Variants in FAM222A observed in about 807,000 individuals in gnomAD.
FAM222A encodes the protein family with sequence similarity 222 member A, also known as protein FAM222A.
A neutral mutation model predicts 25.8 loss-of-function variants in FAM222A; 7 were observed. That is an observed-to-expected ratio of 0.27 (90% CI 0.15 to 0.51). The LOEUF (loss-of-function observed/expected upper bound fraction) is 0.51, where lower values mean the gene tolerates loss of function less well. FAM222A is among the 20% of genes least tolerant of loss of function. The probability of loss-of-function intolerance (pLI) is 0.97; values close to 1 mark genes in which losing one functional copy is unlikely to be tolerated. For missense variants in FAM222A, 573 were observed against 640.5 expected (o/e 0.89, Z 1.14); for synonymous variants, 294 against 298.8 (o/e 0.98, Z 0.17).
At chr12:109,765,566 A>G (rs1283185362) in intron 2 of FAM222A, among the ~76,000 whole-genome samples, 5 of 152,084 alleles carry the variant, frequency 3.3e-5, no homozygotes, top group Admixed American at 2.6e-4. Context: ...CACCTCTTCT[A>G]CCAGTGGCCC....
chr12:109,737,801 C>T (rs57502020), intron 1 of FAM222A, among the ~76,000 whole-genome samples: 2,173 of 152,226 alleles, frequency 0.014, 50 homozygotes, highest in African/African-American at 0.05. Flanking sequence ...TAATCTCTAA[C>T]CAGATCTGCC....
intron 2 of FAM222A, among the ~76,000 whole-genome samples, chr12:109,757,582 A>G (rs1199361140): frequency 6.6e-6 from 1 of 152,252 alleles, no homozygotes; most frequent in Non-Finnish European, 1.5e-5. Context: ...TCTTCGAAGA[A>G]AATGATGGAG....
chr12:109,758,941 C>T (rs961045964), intron 2 of FAM222A, among the ~76,000 whole-genome samples: 2 of 152,202 alleles, frequency 1.3e-5, no homozygotes, highest in African/African-American at 4.8e-5. Flanking sequence ...GAGAAAGAAA[C>T]GACACTGGGT....
chr12:109,748,334 C>CTTTTTTTTTTTTTTT (rs61492433), intron 2 of FAM222A, among the ~76,000 whole-genome samples: 2 of 81,632 alleles, frequency 2.5e-5, no homozygotes, highest in Non-Finnish European at 5.9e-5. Flanking sequence ...GGTTTTCTTT[C>CTTTTTTTTTTTTTTT]TTTTTTTTTT....
At chr12:109,725,933 G>T (rs1003540719) in intron 1 of FAM222A, among the ~76,000 whole-genome samples, 2 of 151,794 alleles carry the variant, frequency 1.3e-5, no homozygotes, top group African/African-American at 4.8e-5. Flanking sequence ...TTAATTACTT[G>T]GTATTCTGCT....
chr12:109,735,395 T>C (rs758628860), intron 1 of FAM222A, among the ~76,000 whole-genome samples: 1 of 152,168 alleles, frequency 6.6e-6, no homozygotes, highest in African/African-American at 2.4e-5. Flanking sequence ...GTGGGTTACG[T>C]GAGGTGACGT....
intron 1 of FAM222A, among the ~76,000 whole-genome samples, chr12:109,727,680 C>T (rs922960265): frequency 4.6e-5 from 7 of 152,094 alleles, no homozygotes; most frequent in Admixed American, 2.6e-4. Context: ...GGGATGTGGC[C>T]GACTCTAAAG....
chr12:109,763,141 G>A (rs1167856312), intron 2 of FAM222A, among the ~76,000 whole-genome samples: 1 of 152,220 alleles, frequency 6.6e-6, no homozygotes, highest in Admixed American at 6.5e-5. Context: ...GAAGAGGAGG[G>A]CCTCATGAAG....
rs1379954637 is a variant in FAM222A, at chr12:109,714,445, G to A, written c.-499G>A. Reference sequence around the variant, plus strand: ...GCAAGCCGCGGGCGGGCGGGCGAGCGAGAGGAAGCAACAAAGACAGGCTGC... The same window carrying A: ...GCAAGCCGCGGGCGGGCGGGCGAGCAAGAGGAAGCAACAAAGACAGGCTGC... On this transcript the variant is annotated 5_prime_UTR_variant, in exon 1 of 3. Transcript: ENST00000538780. The surrounding 1 kb of genome is among the most constrained non-coding windows in gnomAD (Gnocchi z 4.2). 6.6e-6 allele frequency: 1 copy of A among 152,326 alleles called. No individual in the cohort carries two copies. Among genetic ancestry groups the A allele is most frequent in the East Asian group, 1.9e-4 (1 of 5,176 alleles). 9.4% of individuals were successfully genotyped at this position (152,326 alleles called of 1,614,324 possible). A position where few individuals can be genotyped will look rare whatever the true frequency, so the allele number is the denominator to read the frequency against.
intron 1 of FAM222A, chr12:109,722,465 A>G (rs1233872159): frequency 1.3e-5 from 2 of 152,224 alleles, no homozygotes; most frequent in African/African-American, 4.8e-5. Context: ...TAGACATCCA[A>G]GAAGTATTGA....
At chr12:109,737,058 G>A (rs922296772) in intron 1 of FAM222A, among the ~76,000 whole-genome samples, 8 of 152,272 alleles carry the variant, frequency 5.3e-5, no homozygotes, top group South Asian at 4.2e-4. Flanking sequence ...GTCATTTGAC[G>A]ATTCATCAAA....
intron 2 of FAM222A, among the ~76,000 whole-genome samples, chr12:109,746,974 G>T (rs1474559133): frequency 6.6e-6 from 1 of 152,148 alleles, no homozygotes; most frequent in Non-Finnish European, 1.5e-5. Context: ...TACCAGTTGC[G>T]CATCCCAAAT....
intron 2 of FAM222A, among the ~76,000 whole-genome samples, chr12:109,762,627 A>T (rs1592800106): frequency 6.6e-6 from 1 of 152,222 alleles, no homozygotes; most frequent in Non-Finnish European, 1.5e-5. Context: ...CAATTGCACT[A>T]AACACTCGCA....
chr12:109,765,192 C>G (rs1196486441), intron 2 of FAM222A, among the ~76,000 whole-genome samples: 1 of 152,262 alleles, frequency 6.6e-6, no homozygotes, highest in East Asian at 1.9e-4. Flanking sequence ...GGCCTCTCCC[C>G]CTTTGGCCCT....
chr12:109,720,611 T>A (rs1431743079), intron 1 of FAM222A, among the ~76,000 whole-genome samples: 1 of 152,248 alleles, frequency 6.6e-6, no homozygotes, highest in Non-Finnish European at 1.5e-5. Flanking sequence ...CGATAGCCAA[T>A]GGGCAGTAAA....
intron 1 of FAM222A, among the ~76,000 whole-genome samples, chr12:109,716,873 G>A (rs759120412): frequency 1.3e-5 from 2 of 152,210 alleles, no homozygotes; most frequent in African/African-American, 2.4e-5. Context: ...TATGCCAGGC[G>A]TTTTACATGA....
Position 109,713,913 on chromosome 12 carries a change from C to T in FAM222A, c.-1031C>T, listed in dbSNP as rs1315561549. Among the ~76,000 whole-genome samples the T allele has an allele frequency of 6.8e-6, 1 of 146,712 alleles. No individual in the cohort carries two copies. The highest frequency in any genetic ancestry group is 1.5e-5 in the Non-Finnish European group (1 of 65,984). On this transcript the variant is annotated 5_prime_UTR_variant, in exon 1 of 3. Transcript: ENST00000538780. The stretch of plus-strand genomic sequence containing the variant: ...CGCGCCGGCCGGGGGAGGCGGACAG[C>T]CGGGCCCGGCGCCTGTGGGGCGCGG...
At chr12:109,765,367 T>C (rs1889015533) in intron 2 of FAM222A, among the ~76,000 whole-genome samples, 2 of 152,154 alleles carry the variant, frequency 1.3e-5, no homozygotes, top group Non-Finnish European at 2.9e-5. Flanking sequence ...CCCCGTGCAG[T>C]GAGAGCCGCT....
chr12:109,733,453 G>T (rs902421987), intron 1 of FAM222A, among the ~76,000 whole-genome samples: 1 of 151,488 alleles, frequency 6.6e-6, no homozygotes, highest in Middle Eastern at 3.2e-3. Context: ...CCAGGCTGGA[G>T]TGCAGTGGCG....
Sources: allele counts gnomAD v4.1 joint callset (sites outside exome capture counted in the v4.1 genomes callset), GRCh38; gene constraint gnomAD v4.1.1; non-coding constraint Gnocchi (gnomAD v3.1); transcripts MANE v1.5; gene names NCBI Gene and HGNC (gene_info 2026-07-23, HGNC 2026-07-21).